TCHP: variants seen among roughly 807,000 people sequenced by gnomAD.
The protein encoded by TCHP is trichoplein keratin filament-binding protein.
Under a neutral mutation model 88.7 loss-of-function variants are expected in TCHP, and 81 were observed. That is an observed-to-expected ratio of 0.91 (90% confidence interval 0.76 to 1.10). The LOEUF (loss-of-function observed/expected upper bound fraction) is 1.10. TCHP is among the 50% of genes least tolerant of loss of function. TCHP has a pLI of 0.00. For missense variants in TCHP, 641 were observed against 632.1 expected (o/e 1.01, Z -0.15); for synonymous variants, 232 against 232.5 (o/e 1.00, Z 0.02).
At chr12:109,896,939 T>C (rs140614688), upstream of TCHP, among the ~76,000 whole-genome samples, 1 of 151,878 alleles carries the variant, frequency 6.6e-6, no homozygotes, top group African/African-American at 2.4e-5. Flanking sequence ...TAGATAGATA[T>C]AGATATATAG....
intron 11 of TCHP, chr12:109,914,885 T>C: frequency 2.2e-6 from 1 of 452,326 alleles, no homozygotes; most frequent in Non-Finnish European, 4.0e-6. Flanking sequence ...GCAGTTGGCT[T>C]ACCGGGGGCC....
chr12:109,903,040 C>T lies in TCHP; in HGVS notation c.14C>T (p.Thr5Met), dbSNP rs148814070. The T allele has an allele frequency of 1.3e-5, 20 of 1,599,998 alleles. No individual in the cohort carries two copies. Among genetic ancestry groups the T allele is most frequent in the Non-Finnish European group, 1.5e-5 (18 of 1,172,970 alleles). ...TCCTGTTCTCAGATGGCGCTCCCGA[C>T]GCTGCCGTCCTACTGGTGCAGCCAG... is the stretch of plus-strand genomic sequence containing the variant. MALP[T>M]LPSYWCSQQR... Residue 5 changes from threonine (T) to methionine (M), a missense_variant, in exon 2 of 13, where the codon ACG becomes ATG. Thr to Met is a moderately conservative substitution (Grantham distance 81, BLOSUM62 -1). Coordinates refer to ENST00000405876, the MANE Select transcript of TCHP (RefSeq NM_001143852.2). This position sits in a 1 kb window ranked among gnomAD's most constrained non-coding sequence, Gnocchi z 4.6.
chr12:109,889,333 C>T, the TCHP span, among the ~76,000 whole-genome samples: 2 of 151,960 alleles, frequency 1.3e-5, no homozygotes, highest in African/African-American at 4.8e-5. Context: ...ATTAGTCGGG[C>T]GTGGTGGCGG....
upstream of TCHP, among the ~76,000 whole-genome samples, chr12:109,897,944 A>T (rs1391860774): frequency 6.6e-6 from 1 of 152,234 alleles, no homozygotes; most frequent in East Asian, 1.9e-4. Context: ...AAGTGACTGC[A>T]GTGGGCTGCT....
intron 4 of TCHP, among the ~76,000 whole-genome samples, chr12:109,906,237 A>G (rs1870116360): frequency 6.6e-6 from 1 of 152,216 alleles, no homozygotes; most frequent in Non-Finnish European, 1.5e-5. Context: ...CCTGGCATGC[A>G]GTACATCAAC....
At chr12:109,882,389 G>A in the TCHP span, among the ~76,000 whole-genome samples, 3 of 147,948 alleles carry the variant, frequency 2.0e-5, no homozygotes, top group Non-Finnish European at 4.5e-5. Flanking sequence ...AGCCAAGACC[G>A]TGCCATTGCA....
chr12:109,888,020 C>T, the TCHP span: 20 of 152,442 alleles, frequency 1.3e-4, no homozygotes, highest in African/African-American at 3.4e-4. Flanking sequence ...GCAATCCTCC[C>T]GCCTCAGCCT....
chr12:109,910,117 C>G (rs1172077345), intron 8 of TCHP, among the ~76,000 whole-genome samples: 2 of 152,110 alleles, frequency 1.3e-5, no homozygotes, highest in African/African-American at 4.8e-5. Flanking sequence ...CAAGCCTGGG[C>G]AACAGAGTGA....
Position 109,917,330 on chromosome 12 carries a change from A to G in TCHP, c.*707A>G, listed in dbSNP as rs986107716. On this transcript the variant is annotated 3_prime_UTR_variant, in exon 13 of 13. Transcript: ENST00000405876. ...GTTACTAAGCCCCAAAACGAACTTCAAACTGGGTGTGGTGGCACGTGCCTT... is the reference window on the plus strand; with the variant it reads ...GTTACTAAGCCCCAAAACGAACTTCGAACTGGGTGTGGTGGCACGTGCCTT... The G allele has an allele frequency of 5.9e-5, 9 of 152,138 alleles. No individual in the cohort carries two copies. The highest frequency in any genetic ancestry group is 2.2e-4 in the African/African-American group (9 of 41,404). The allele number at this position is 152,138 out of a possible 1,614,324, so 9.4% of individuals were successfully genotyped here.
upstream of TCHP, among the ~76,000 whole-genome samples, chr12:109,897,524 C>T (rs1440285214): frequency 1.3e-5 from 2 of 152,058 alleles, no homozygotes; most frequent in Non-Finnish European, 2.9e-5. Context: ...TACCTTGCCC[C>T]AACTCACATA....
chr12:109,908,810 C>T (rs934257159), intron 7 of TCHP, 61 bp from the exon 8 acceptor site: 7 of 1,586,542 alleles, frequency 4.4e-6, no homozygotes, highest in Non-Finnish European at 6.1e-6. Context: ...CAGCAGTTAT[C>T]TAACTTCTAT....
At chr12:109,885,778 G>A in the TCHP span, among the ~76,000 whole-genome samples, 2 of 149,478 alleles carry the variant, frequency 1.3e-5, no homozygotes, top group African/African-American at 4.9e-5. Flanking sequence ...ACCGCACCCC[G>A]CCTTTTTTTT....
upstream of TCHP, among the ~76,000 whole-genome samples, chr12:109,897,641 AC>A (rs149644373): frequency 0.052 from 7,871 of 151,224 alleles, 288 homozygotes; most frequent in East Asian, 0.12. Context: ...GCTCACTGCA[AC>A]CTCTGCCACC....
intron 1 of TCHP, chr12:109,900,876 C>T (rs1007620183): frequency 1.3e-5 from 2 of 152,176 alleles, no homozygotes; most frequent in Non-Finnish European, 2.9e-5. Context: ...GGCCTTTTCG[C>T]TCATTCAGCC....
chr12:109,903,250 G>A lies in TCHP; in HGVS notation c.188+36G>A, dbSNP rs560197093. On this transcript the variant is annotated intron_variant, in intron 2 of 12. Coordinates refer to ENST00000405876, the MANE Select transcript of TCHP (RefSeq NM_001143852.2). The surrounding 1 kb of genome is among the most constrained non-coding windows in gnomAD (Gnocchi z 4.6). Reference sequence around the variant, plus strand: ...GGTAACTGCCGATTGGATGGAAGTGGGGACCACTTGCTGGTCAGGGGATGA... The same window carrying A: ...GGTAACTGCCGATTGGATGGAAGTGAGGACCACTTGCTGGTCAGGGGATGA... 5 of 1,579,256 alleles carry A rather than the reference G, an allele frequency of 3.2e-6. No homozygotes were observed. The African/African-American group carries it at 6.7e-5, about 21-fold the overall frequency.
At chr12:109,883,334 C>T in the TCHP span, among the ~76,000 whole-genome samples, 1 of 152,042 alleles carries the variant, frequency 6.6e-6, no homozygotes, top group Non-Finnish European at 1.5e-5. Flanking sequence ...CTGTGCCCAG[C>T]CTGAATGTTT....
Position 109,904,723 on chromosome 12 carries a change from T to C in TCHP, c.400-14T>C, listed in dbSNP as rs376992881. On this transcript the variant is annotated splice_polypyrimidine_tract_variant and intron_variant, in intron 3 of 12. Transcript: ENST00000405876. ...AAATGACATCAGGCTTTCCATTTTG[T>C]GTTTTCTTGATAGATTGCTGAACAA... The C allele has an allele frequency of 6.8e-6, 11 of 1,608,186 alleles. No homozygotes were observed. Among genetic ancestry groups the C allele is most frequent in the African/African-American group, 1.3e-5 (1 of 74,550 alleles).
the TCHP span, among the ~76,000 whole-genome samples, chr12:109,891,623 AT>A: frequency 6.6e-6 from 1 of 151,626 alleles, no homozygotes; most frequent in Admixed American, 6.6e-5. Flanking sequence ...ATGGTCTTGA[AT>A]TTCTGACCTC....
At chr12:109,889,879 C>T in the TCHP span, among the ~76,000 whole-genome samples, 2 of 152,166 alleles carry the variant, frequency 1.3e-5, no homozygotes, top group Non-Finnish European at 2.9e-5. Context: ...GAGCCAACTC[C>T]TCTGGGTGTT....
Sources: allele counts gnomAD v4.1 joint callset (sites outside exome capture counted in the v4.1 genomes callset), GRCh38; gene constraint gnomAD v4.1.1; non-coding constraint Gnocchi (gnomAD v3.1); transcripts MANE v1.5; gene names NCBI Gene and HGNC (gene_info 2026-07-23, HGNC 2026-07-21).